The following KIF13A variants were observed in gnomAD, a reference collection of about 807,000 sequenced individuals.
KIF13A encodes the protein kinesin family member 13A, also known as kinesin-like protein KIF13A.
KIF13A carries 79 observed loss-of-function variants against 212.2 expected under a neutral mutation model. The ratio of observed to expected loss-of-function variants is 0.37; its 90% CI spans 0.31 to 0.45. KIF13A has a LOEUF of 0.45. KIF13A is among the 20% of genes least tolerant of loss of function. The pLI, the probability that KIF13A is intolerant of heterozygous loss-of-function variation, is 1.00. For synonymous variants in KIF13A, 789 were observed against 808.6 expected (o/e 0.98, Z 0.41); for missense variants, 1,901 against 2,209.0 (o/e 0.86, Z 2.79).
At position 17,924,244 on chromosome 6, in the gene KIF13A, G is replaced by A. The variant is rs145017846; in HGVS notation, c.147-26064C>T. Among the ~76,000 whole-genome samples the A allele has an allele frequency of 6.9e-3, 1,046 of 152,228 alleles. 9 individuals are homozygous for A. Among genetic ancestry groups the A allele is most frequent in the African/African-American group, 0.024 (987 of 41,524 alleles). ...AAAGCCACTTACACAGATTCCAGCA[G>A]GACCCATACTTGATCTGCAATATTT... On this transcript the variant is annotated intron_variant, in intron 2 of 38. Transcript: ENST00000259711.
chr6:17,909,624 G>C (rs1318179556), intron 2 of KIF13A, among the ~76,000 whole-genome samples: 1 of 152,090 alleles, frequency 6.6e-6, no homozygotes, highest in Admixed American at 6.5e-5. Context: ...ACCAGGTATG[G>C]TGGCTCATGC....
chr6:17,858,482 T>C (rs918636656), intron 4 of KIF13A, among the ~76,000 whole-genome samples: 5 of 152,172 alleles, frequency 3.3e-5, no homozygotes, highest in Non-Finnish European at 7.3e-5. Flanking sequence ...ACGAAGAAAA[T>C]ACCTGACCAC....
chr6:17,820,644 G>A (rs570408455), intron 16 of KIF13A, among the ~76,000 whole-genome samples: 1 of 152,274 alleles, frequency 6.6e-6, no homozygotes, highest in East Asian at 1.9e-4. Context: ...TCTCTTGAAT[G>A]AACTGTTTTA....
intron 4 of KIF13A, among the ~76,000 whole-genome samples, chr6:17,861,404 G>C (rs1768769473): frequency 1.8e-5 from 1 of 56,010 alleles, no homozygotes; most frequent in Non-Finnish European, 5.0e-5. Flanking sequence ...TCCATTGTAT[G>C]AATAATGGAT....
rs1485604608 is a variant in KIF13A, at chr6:17,778,953, G to C, written c.4086C>G (p.Leu1362=). The C allele has an allele frequency of 6.3e-7, 1 of 1,587,658 alleles. No homozygotes were observed. The highest frequency in any genetic ancestry group is 8.6e-7 in the Non-Finnish European group (1 of 1,166,838). The change falls in exon 33 of 39, where the codon CTC becomes CTG. Residue 1362 remains leucine, a synonymous_variant. Coordinates refer to ENST00000259711, the MANE Select transcript of KIF13A (RefSeq NM_022113.6). ...QVENILSLER[L]RQAVTVKEAL... The stretch of plus-strand genomic sequence containing the variant: ...CAGATATTCAGTTACTTGCCTGCCG[G>C]AGCCGTTCAAGACTCAGAATGTTTT...
In KIF13A at chr6:17,982,119, G is replaced by C. The variant is rs768306658; in HGVS notation, c.146+4935C>G. On this transcript the variant is annotated intron_variant, in intron 2 of 38. Transcript: ENST00000259711. The surrounding 1 kb of genome is among the most constrained non-coding windows in gnomAD (Gnocchi z 5.1). ...AGCATTCTTTTTTTTTTTTGAGACA[G>C]AGTTTCACTCTTGTTGCTCAGGCTA... Among the ~76,000 whole-genome samples, 3 of 150,056 alleles carry C rather than the reference G, an allele frequency of 2.0e-5. No homozygotes were observed. Among genetic ancestry groups the C allele is most frequent in the Non-Finnish European group, 4.4e-5 (3 of 67,746 alleles).
intron 18 of KIF13A, among the ~76,000 whole-genome samples, chr6:17,808,205 G>A (rs1266270681): frequency 6.6e-6 from 1 of 152,162 alleles, no homozygotes; most frequent in Admixed American, 6.5e-5. Context: ...GGCCAATATG[G>A]CAAAACCCTG....
chr6:17,919,882 A>G lies in KIF13A; in HGVS notation c.147-21702T>C, dbSNP rs1478860609. ...AAATACAGCAAAACAGTGCAGGACC[A>G]GTGTTTGAAGGAATAAGCTCCAGTG... On this transcript the variant is annotated intron_variant, in intron 2 of 38. Coordinates refer to ENST00000259711, the MANE Select transcript of KIF13A (RefSeq NM_022113.6). This position sits in a 1 kb window ranked among gnomAD's most constrained non-coding sequence, Gnocchi z 4.1. 6.6e-6 allele frequency among the ~76,000 whole-genome samples: 1 copy of G among 152,210 alleles called. No homozygotes were observed. The highest frequency in any genetic ancestry group is 1.5e-5 in the Non-Finnish European group (1 of 68,048).
At chr6:17,986,991 C>G in intron 2 of KIF13A, 63 bp downstream of exon 2, 2 of 1,261,250 alleles carry the variant, frequency 1.6e-6, no homozygotes, top group Non-Finnish European at 2.3e-6. Context: ...ATTTTCCTGG[C>G]TCAAACTTGC....
Position 17,794,438 on chromosome 6 carries a change from G to A in KIF13A, c.3076-43C>T. The A allele has an allele frequency of 6.3e-7, 1 of 1,587,888 alleles. No individual in the cohort carries two copies. The highest frequency in any genetic ancestry group is 8.6e-7 in the Non-Finnish European group (1 of 1,162,416). On this transcript the variant is annotated intron_variant, in intron 24 of 38. Transcript: ENST00000259711. This position sits in a 1 kb window ranked among gnomAD's most constrained non-coding sequence, Gnocchi z 4.1. ...GAGTATGGGTGCCAGGAATGATAATGAAAAGGAACGGGATAAAGAAGGGGA... is the reference window on the plus strand; with the variant it reads ...GAGTATGGGTGCCAGGAATGATAATAAAAAGGAACGGGATAAAGAAGGGGA...
In KIF13A at chr6:17,975,843, C is replaced by CATAGGGTGCTA. The variant is rs1478063166; in HGVS notation, c.146+11200_146+11210dup. ...GTGCATTCACGAACCCTGAGCTAGA[C>CATAGGGTGCTA]ATAGGGTGCTAATTGGTGTTTACAA... On this transcript the variant is annotated intron_variant, in intron 2 of 38. Transcript: ENST00000259711. 2.0e-5 allele frequency among the ~76,000 whole-genome samples: 3 copies of CATAGGGTGCTA among 152,194 alleles called. No homozygotes were observed. In the East Asian group the frequency reaches 5.8e-4, roughly 29 times the overall value.
Position 17,783,999 on chromosome 6 carries a change from G to A in KIF13A, c.3489-298C>T, listed in dbSNP as rs1330556684. On this transcript the variant is annotated intron_variant, in intron 28 of 38. Coordinates refer to ENST00000259711, the MANE Select transcript of KIF13A (RefSeq NM_022113.6). The surrounding 1 kb of genome is among the most constrained non-coding windows in gnomAD (Gnocchi z 4.3). ...TAAAGGGAAGGGGGGATGTTGTTAG[G>A]GTGGTAACGGGACAGGATCAGAGCC... Among the ~76,000 whole-genome samples, 1 of 152,160 alleles carries A rather than the reference G, an allele frequency of 6.6e-6. No homozygotes were observed. The highest frequency in any genetic ancestry group is 1.5e-5 in the Non-Finnish European group (1 of 68,030).
Position 17,805,569 on chromosome 6 carries a change from C to T in KIF13A, c.2210G>A (p.Gly737Glu), listed in dbSNP as rs1762868746. 2 of 1,612,994 alleles carry T rather than the reference C, an allele frequency of 1.2e-6. No homozygotes were observed. The highest frequency in any genetic ancestry group is 1.3e-5 in the African/African-American group (1 of 74,902). The change falls in exon 19 of 39, where the codon GGA (glycine) becomes GAA (glutamate). Residue 737 changes from glycine (G) to glutamate (E), a missense_variant. Gly to Glu is a moderately conservative substitution (Grantham distance 98). This residue lies in a region of KIF13A where 534 missense variants were observed against 536.9 expected (regional missense o/e 0.99). Coordinates refer to ENST00000259711, the MANE Select transcript of KIF13A (RefSeq NM_022113.6). ...SEPAIQVRRK[G>E]KSTQVWTIEK... ...AATGGTCCACACTTGGGTGCTCTTT[C>T]CTTTCCTCCTCACTTGGATAGCTGG...
intron 2 of KIF13A, among the ~76,000 whole-genome samples, chr6:17,929,997 C>T (rs537437074): frequency 6.6e-6 from 1 of 152,210 alleles, no homozygotes; most frequent in African/African-American, 2.4e-5. Context: ...TTACACAAGA[C>T]TCACTGAACC....
intron 2 of KIF13A, among the ~76,000 whole-genome samples, chr6:17,966,494 G>GAAA (rs564501705): frequency 5.7e-5 from 5 of 87,644 alleles, no homozygotes; most frequent in African/African-American, 1.7e-4. Flanking sequence ...CAAAAGTTCT[G>GAAA]AAAAAAAAAA....
intron 17 of KIF13A, among the ~76,000 whole-genome samples, chr6:17,815,156 C>T (rs915608207): frequency 6.6e-6 from 1 of 152,224 alleles, no homozygotes; most frequent in Non-Finnish European, 1.5e-5. Context: ...GGACAGCTTA[C>T]ACCATTATTT....
At chr6:17,812,296 T>C (rs926846612) in intron 17 of KIF13A, 1 of 152,218 alleles carries the variant, frequency 6.6e-6, no homozygotes, top group East Asian at 1.9e-4. Context: ...GTAGTAAGCA[T>C]AGTACTTGGC....
intron 2 of KIF13A, among the ~76,000 whole-genome samples, chr6:17,981,935 T>A (rs1026408239): frequency 6.6e-6 from 1 of 152,198 alleles, no homozygotes; most frequent in Non-Finnish European, 1.5e-5. Context: ...GGAACCATCC[T>A]AGAAGCCTTC....
chr6:17,857,018 C>T, intron 4 of KIF13A, among the ~76,000 whole-genome samples: 1 of 152,106 alleles, frequency 6.6e-6, no homozygotes. Flanking sequence ...GAGCCTAGTA[C>T]AAAATGCTTA....
Sources: allele counts gnomAD v4.1 joint callset (sites outside exome capture counted in the v4.1 genomes callset), GRCh38; gene constraint gnomAD v4.1.1; regional missense constraint gnomAD v4.1.1; non-coding constraint Gnocchi (gnomAD v3.1); transcripts MANE v1.5; gene names NCBI Gene and HGNC (gene_info 2026-07-23, HGNC 2026-07-21).